The following ATF7IP2 variants were observed in gnomAD, a reference collection of about 807,000 sequenced individuals.
The protein encoded by ATF7IP2 is activating transcription factor 7-interacting protein 2.
A neutral mutation model predicts 64.2 loss-of-function variants in ATF7IP2; 42 were observed. The observed-to-expected ratio is 0.65, with a 90% CI of 0.51 to 0.85. ATF7IP2 has a LOEUF of 0.85. Ranked by LOEUF, ATF7IP2 falls within the 40% of genes least tolerant of loss-of-function variation. The probability of loss-of-function intolerance (pLI) is 0.00; values close to 1 mark genes in which losing one functional copy is unlikely to be tolerated. For missense variants in ATF7IP2, 933 were observed against 784.2 expected (o/e 1.19, Z -2.27); for synonymous variants, 308 against 272.8 (o/e 1.13, Z -1.27).
intron 10 of ATF7IP2, 33 bp downstream of exon 10, chr16:10,472,216 A>C (rs2049828015): frequency 9.1e-7 from 1 of 1,104,188 alleles, no homozygotes; most frequent in East Asian, 2.6e-5. Context: ...ATGATCTATC[A>C]AGTTAGAAGG....
At chr16:10,436,541 G>C (rs1208374852) in intron 6 of ATF7IP2, among the ~76,000 whole-genome samples, 1 of 152,100 alleles carries the variant, frequency 6.6e-6, no homozygotes, top group Admixed American at 6.6e-5. Context: ...AGACAATGTT[G>C]AAGAGTGAGA....
intron 1 of ATF7IP2, among the ~76,000 whole-genome samples, chr16:10,405,923 T>C (rs916353642): frequency 1.3e-5 from 2 of 152,094 alleles, no homozygotes; most frequent in African/African-American, 4.8e-5. Context: ...TAAAACCCCA[T>C]CTCTACTAAA....
At chr16:10,469,459 C>T (rs571534183) in intron 9 of ATF7IP2, among the ~76,000 whole-genome samples, 82 of 151,948 alleles carry the variant, frequency 5.4e-4, no homozygotes, top group African/African-American at 2.0e-3. Context: ...ATGTTAAATT[C>T]AAGCAGAAGA....
chr16:10,441,877 G>C (rs2048636036), intron 8 of ATF7IP2, among the ~76,000 whole-genome samples: 1 of 152,160 alleles, frequency 6.6e-6, no homozygotes, highest in Non-Finnish European at 1.5e-5. Flanking sequence ...GAGTCACAAA[G>C]AAAACATGCA....
intron 9 of ATF7IP2, among the ~76,000 whole-genome samples, chr16:10,458,267 T>C (rs750538810): frequency 9.2e-5 from 14 of 152,216 alleles, no homozygotes; most frequent in Non-Finnish European, 7.3e-5. Context: ...GCCAGGAAGC[T>C]GCTGTGAAGG....
At chr16:10,401,617 G>C (rs2047537026) in intron 1 of ATF7IP2, among the ~76,000 whole-genome samples, 1 of 152,080 alleles carries the variant, frequency 6.6e-6, no homozygotes, top group Non-Finnish European at 1.5e-5. Context: ...TATCTTCATA[G>C]AATGTGTTAG....
chr16:10,432,125 C>T (rs1342301278), intron 5 of ATF7IP2, among the ~76,000 whole-genome samples: 1 of 151,858 alleles, frequency 6.6e-6, no homozygotes, highest in African/African-American at 2.4e-5. Context: ...GCGTGAGCCA[C>T]TGTGCCCAGC....
At chr16:10,472,299 C>T in intron 10 of ATF7IP2, 116 bp downstream of exon 10, 1 of 486,852 alleles carries the variant, frequency 2.1e-6, no homozygotes, top group Admixed American at 3.7e-5. Context: ...GTTAAATGTA[C>T]TCTCAAATGT....
intron 1 of ATF7IP2, among the ~76,000 whole-genome samples, chr16:10,391,991 G>T (rs1002318142): frequency 2.0e-5 from 3 of 150,376 alleles, no homozygotes; most frequent in Non-Finnish European, 4.4e-5. Flanking sequence ...TTTAAATTGT[G>T]TTGAAATGGA....
At chr16:10,419,983 C>T (rs2047960413) in intron 3 of ATF7IP2, among the ~76,000 whole-genome samples, 1 of 152,206 alleles carries the variant, frequency 6.6e-6, no homozygotes, top group Non-Finnish European at 1.5e-5. Context: ...AATGTAAAGT[C>T]AGTAATGCTA....
chr16:10,452,745 T>C (rs914452587), intron 8 of ATF7IP2, among the ~76,000 whole-genome samples: 1 of 152,170 alleles, frequency 6.6e-6, no homozygotes, highest in Non-Finnish European at 1.5e-5. Flanking sequence ...GGTTTATCTA[T>C]AAGCCCCTGC....
chr16:10,439,096 T>A (rs1480781444), intron 7 of ATF7IP2, among the ~76,000 whole-genome samples: 1 of 150,772 alleles, frequency 6.6e-6, no homozygotes, highest in African/African-American at 2.4e-5. Context: ...CCTAAATATA[T>A]CCTTTATTAG....
chr16:10,410,060 C>T (rs2141808186), intron 1 of ATF7IP2, among the ~76,000 whole-genome samples: 1 of 152,206 alleles, frequency 6.6e-6, no homozygotes, highest in Admixed American at 6.5e-5. Context: ...TATACAGGCT[C>T]TTTTTTGGTT....
At chr16:10,399,585 A>G (rs1189126239) in intron 1 of ATF7IP2, among the ~76,000 whole-genome samples, 1 of 152,170 alleles carries the variant, frequency 6.6e-6, no homozygotes, top group Non-Finnish European at 1.5e-5. Flanking sequence ...GATTACCATC[A>G]GCTTTGTGTT....
chr16:10,452,368 C>T (rs551676333), intron 8 of ATF7IP2, among the ~76,000 whole-genome samples: 1 of 152,306 alleles, frequency 6.6e-6, no homozygotes, highest in African/African-American at 2.4e-5. Flanking sequence ...TTCTGTCAGG[C>T]CCCTGTGGTG....
intron 1 of ATF7IP2, among the ~76,000 whole-genome samples, chr16:10,390,690 G>A (rs1317210206): frequency 2.6e-5 from 4 of 152,166 alleles, no homozygotes; most frequent in Non-Finnish European, 4.4e-5. Context: ...TTGGGAGGCT[G>A]AGGCAGTAGG....
intron 3 of ATF7IP2, among the ~76,000 whole-genome samples, chr16:10,420,877 C>A (rs908473485): frequency 9.2e-5 from 14 of 152,154 alleles, no homozygotes; most frequent in African/African-American, 3.4e-4. Flanking sequence ...ACCTTTCAAG[C>A]CAGAATAAGA....
intron 9 of ATF7IP2, among the ~76,000 whole-genome samples, chr16:10,460,339 A>G (rs2049333084): frequency 6.6e-6 from 1 of 152,228 alleles, no homozygotes; most frequent in Non-Finnish European, 1.5e-5. Context: ...AACTTCAGTC[A>G]GTATCTCAGT....
intron 1 of ATF7IP2, among the ~76,000 whole-genome samples, chr16:10,395,506 C>A (rs34883567): frequency 0.14 from 21,315 of 151,656 alleles, 1,574 homozygotes; most frequent in South Asian, 0.23. Context: ...AACTGCAGAA[C>A]GATGTTTTTT....
Sources: gnomAD v4.1 joint callset for allele counts (sites outside exome capture counted in the v4.1 genomes callset) on GRCh38, gnomAD v4.1.1 for gene constraint, MANE v1.5 for transcripts, NCBI Gene and HGNC (gene_info 2026-07-23, HGNC 2026-07-21) for gene names.